The following SUSD5 variants were observed in gnomAD, a reference collection of about 807,000 sequenced individuals.
SUSD5 encodes sushi domain-containing protein 5.
SUSD5 carries 33 observed loss-of-function variants against 29.5 expected under a neutral mutation model. That is an observed-to-expected ratio of 1.12 (90% confidence interval 0.85 to 1.49). SUSD5 has a LOEUF of 1.49. SUSD5 is among the 40% of genes most tolerant of loss of function. The pLI, the probability that SUSD5 is intolerant of heterozygous loss-of-function variation, is 0.00. For synonymous variants in SUSD5, 308 were observed against 325.3 expected (o/e 0.95, Z 0.57); for missense variants, 776 against 800.6 (o/e 0.97, Z 0.37).
chr3:33,158,801 T>C (rs1002023171), intron 4 of SUSD5, among the ~76,000 whole-genome samples: 3 of 152,126 alleles, frequency 2.0e-5, no homozygotes, highest in African/African-American at 7.2e-5. Context: ...CTCTCCAAGA[T>C]CATTTTTCCT....
At position 33,183,930 on chromosome 3, in the gene SUSD5, C is replaced by CTTTTTTTTTTTTTTTTTT. The variant is rs68055129; in HGVS notation, c.410-8874_410-8857dup. The stretch of plus-strand genomic sequence containing the variant: ...AACACTTTAAATATTTTATTACCCT[C>CTTTTTTTTTTTTTTTTTT]TTTTTTTTTTTTTTTTTTTTTTTTT... On this transcript the variant is annotated intron_variant, in intron 3 of 4. Coordinates refer to ENST00000309558, the MANE Select transcript of SUSD5 (RefSeq NM_015551.2). Among the ~76,000 whole-genome samples, 38 of 62,608 alleles carry CTTTTTTTTTTTTTTTTTT rather than the reference C, an allele frequency of 6.1e-4. 3 individuals carry two copies. The highest frequency in any genetic ancestry group is 1.4e-3 in the African/African-American group (18 of 13,314). The allele number at this position is 62,608 out of a possible 152,430, so 41.1% of individuals were successfully genotyped here.
Position 33,153,152 on chromosome 3 carries a change from T to G in SUSD5, c.1480A>C (p.Thr494Pro). ...ATLSYELTSSTLEILTVNTVK... is the reference protein window; with the variant it reads ...ATLSYELTSSPLEILTVNTVK... ...GTGTTCACTGTTAATATCTCCAGGGTGGAGCTGGTGAGCTCATAGGACAGG... is the reference window on the plus strand; with the variant it reads ...GTGTTCACTGTTAATATCTCCAGGGGGGAGCTGGTGAGCTCATAGGACAGG... Residue 494 changes from threonine to proline, a missense_variant, in exon 5 of 5, where the codon ACC (threonine) becomes CCC (proline). Transcript: ENST00000309558. The G allele has an allele frequency of 1.2e-6, 2 of 1,613,852 alleles. No individual in the cohort carries two copies. Among genetic ancestry groups the G allele is most frequent in the East Asian group, 4.5e-5 (2 of 44,856 alleles).
chr3:33,186,607 A>T (rs2031784928), intron 3 of SUSD5, among the ~76,000 whole-genome samples: 1 of 151,844 alleles, frequency 6.6e-6, no homozygotes, highest in African/African-American at 2.4e-5. Flanking sequence ...TTGTATTTTT[A>T]GTACAGACAG....
At chr3:33,185,883 T>C (rs1479468592) in intron 3 of SUSD5, among the ~76,000 whole-genome samples, 1 of 152,218 alleles carries the variant, frequency 6.6e-6, no homozygotes, top group East Asian at 1.9e-4. Context: ...CACATTTTTG[T>C]ACCTATCTTA....
At chr3:33,186,732 T>C (rs2031787629) in intron 3 of SUSD5, among the ~76,000 whole-genome samples, 1 of 152,074 alleles carries the variant, frequency 6.6e-6, no homozygotes, top group Admixed American at 6.5e-5. Flanking sequence ...GTCAGCACTT[T>C]CTTAAAGACG....
Position 33,167,677 on chromosome 3 carries a change from C to T in SUSD5, c.598+7209G>A, listed in dbSNP as rs1320760859. ...GACAAGAATGAGTGTTTACAATTAG[C>T]CTACTTATGAAGAAGTATCCAAAGC... On this transcript the variant is annotated intron_variant, in intron 4 of 4. Coordinates refer to ENST00000309558, the MANE Select transcript of SUSD5 (RefSeq NM_015551.2). This position sits in a 1 kb window ranked among gnomAD's most constrained non-coding sequence, Gnocchi z 4.1. Among the ~76,000 whole-genome samples, 1 of 152,174 alleles carries T rather than the reference C, an allele frequency of 6.6e-6. No individual in the cohort carries two copies. Among genetic ancestry groups the T allele is most frequent in the Non-Finnish European group, 1.5e-5 (1 of 68,032 alleles).
chr3:33,178,130 T>A (rs1181865260), intron 3 of SUSD5, among the ~76,000 whole-genome samples: 1 of 152,210 alleles, frequency 6.6e-6, no homozygotes, highest in Non-Finnish European at 1.5e-5. Context: ...GTTTTTGTTT[T>A]TAGATGTTTT....
chr3:33,199,366 C>T (rs567341677), intron 3 of SUSD5, among the ~76,000 whole-genome samples: 11 of 152,286 alleles, frequency 7.2e-5, no homozygotes, highest in East Asian at 1.9e-4. Flanking sequence ...CTCCGCCTCC[C>T]GGGTTCACAC....
At chr3:33,173,831 G>A (rs943242165) in intron 4 of SUSD5, among the ~76,000 whole-genome samples, 6 of 152,194 alleles carry the variant, frequency 3.9e-5, no homozygotes, top group South Asian at 2.1e-4. Context: ...CATGAGGTCC[G>A]AGGTATAGGA....
rs761522971 is a variant in SUSD5, at chr3:33,153,302, C to A, written c.1330G>T (p.Val444Leu). Residue 444 changes from valine (V) to leucine (L), a missense_variant, in exon 5 of 5, where the codon GTG becomes TTG. By Grantham distance (32) the Val-to-Leu change is conservative. Coordinates refer to ENST00000309558, the MANE Select transcript of SUSD5 (RefSeq NM_015551.2). ...ACGGGTCTGAGCGCCAAAGCTTCCA[C>A]ATCTAGCATTTGAGATGGAAGAACT... ...SSVLPSQMLD[V>L]EALALRPVNA... 10 of 1,613,956 alleles carry A rather than the reference C, an allele frequency of 6.2e-6. No individual in the cohort carries two copies. The highest frequency in any genetic ancestry group is 8.5e-6 in the Non-Finnish European group (10 of 1,179,872).
At chr3:33,203,055 C>G (rs2032150098) in intron 3 of SUSD5, among the ~76,000 whole-genome samples, 1 of 152,128 alleles carries the variant, frequency 6.6e-6, no homozygotes, top group South Asian at 2.1e-4. Flanking sequence ...TGAGCTGGAC[C>G]TCACCTACAC....
chr3:33,170,765 C>T (rs1428394079), intron 4 of SUSD5, among the ~76,000 whole-genome samples: 1 of 152,190 alleles, frequency 6.6e-6, no homozygotes, highest in Admixed American at 6.5e-5. Flanking sequence ...ACTTCTCACC[C>T]AAGTAACAGA....
intron 3 of SUSD5, among the ~76,000 whole-genome samples, chr3:33,187,725 C>CA (rs2031806754): frequency 6.6e-6 from 1 of 150,474 alleles, no homozygotes; most frequent in South Asian, 2.1e-4. Flanking sequence ...CATATGTATA[C>CA]ATGTGCCATG....
At chr3:33,209,792 C>T (rs899981198) in intron 2 of SUSD5, among the ~76,000 whole-genome samples, 1 of 152,018 alleles carries the variant, frequency 6.6e-6, no homozygotes, top group Non-Finnish European at 1.5e-5. Context: ...GGACTATAGG[C>T]ATGCACCACC....
At position 33,218,714 on chromosome 3, in the gene SUSD5, A is replaced by G; in HGVS notation, c.84T>C (p.Gly28=). 1 of 1,326,944 alleles carries G rather than the reference A, an allele frequency of 7.5e-7. No individual in the cohort carries two copies. The highest frequency in any genetic ancestry group is 9.6e-7 in the Non-Finnish European group (1 of 1,041,004). The allele number at this position is 1,326,944 out of a possible 1,614,324, so 82.2% of individuals were successfully genotyped here. ...CCGCCCGCACCGAAAGGCGCGGCAG[A>G]CCGAGCAGGAGCAGCGCCGCCGCCC... ...GLWAAALLLL[G]LPRLSVRADG... The change falls in exon 1 of 5, where the codon GGT becomes GGC. Residue 28 remains glycine, a synonymous_variant. Coordinates refer to ENST00000309558, the MANE Select transcript of SUSD5 (RefSeq NM_015551.2).
In SUSD5 at chr3:33,183,012, GT is replaced by G. The variant is rs2031704225; in HGVS notation, c.410-7939del. On this transcript the variant is annotated intron_variant, in intron 3 of 4. Transcript: ENST00000309558. ...GGGTTTCACCGTGTTAGCCAGGATGGTCTCGATCTCCTGACCTCGTGATCCA... is the reference window on the plus strand; with the variant it reads ...GGGTTTCACCGTGTTAGCCAGGATGGCTCGATCTCCTGACCTCGTGATCCA... 2.6e-5 allele frequency among the ~76,000 whole-genome samples: 4 copies of G among 151,872 alleles called. No homozygotes were observed. The South Asian group carries it at 8.3e-4, about 32-fold the overall frequency.
chr3:33,150,619 G>C lies in SUSD5; in HGVS notation c.*2123C>G, dbSNP rs1002246855. ...TTTTATTCCTATTGTTCTTGACTTCGTCTGATGCACAGGTATTCTAGTTGG... is the reference window on the plus strand; with the variant it reads ...TTTTATTCCTATTGTTCTTGACTTCCTCTGATGCACAGGTATTCTAGTTGG... On this transcript the variant is annotated 3_prime_UTR_variant, in exon 5 of 5. Coordinates refer to ENST00000309558, the MANE Select transcript of SUSD5 (RefSeq NM_015551.2). 1 of 152,076 alleles carries C rather than the reference G, an allele frequency of 6.6e-6. No homozygotes were observed. Among genetic ancestry groups the C allele is most frequent in the South Asian group, 2.1e-4 (1 of 4,830 alleles). The allele number at this position is 152,076 out of a possible 1,614,324, so 9.4% of individuals were successfully genotyped here.
intron 3 of SUSD5, among the ~76,000 whole-genome samples, chr3:33,176,155 T>C (rs2031548285): frequency 6.6e-6 from 1 of 152,198 alleles, no homozygotes; most frequent in Non-Finnish European, 1.5e-5. Context: ...AGCTCCTCCA[T>C]GTCTTCTTAT....
intron 4 of SUSD5, among the ~76,000 whole-genome samples, chr3:33,166,971 G>A (rs2031317570): frequency 6.6e-6 from 1 of 152,126 alleles, no homozygotes; most frequent in Non-Finnish European, 1.5e-5. Flanking sequence ...CTGAGGTCAG[G>A]AGTTCGAGAC....
Sources: gnomAD v4.1 joint callset for allele counts (sites outside exome capture counted in the v4.1 genomes callset) on GRCh38, gnomAD v4.1.1 for gene constraint, Gnocchi (gnomAD v3.1) non-coding constraint, MANE v1.5 for transcripts, NCBI Gene and HGNC (gene_info 2026-07-23, HGNC 2026-07-21) for gene names.